SEMA5B: variants seen among roughly 807,000 people sequenced by gnomAD.
SEMA5B encodes semaphorin 5B, also known as semaphorin-5B.
A neutral mutation model predicts 135.0 loss-of-function variants in SEMA5B; 66 were observed. The ratio of observed to expected loss-of-function variants is 0.49; its 90% CI spans 0.40 to 0.60. The LOEUF (loss-of-function observed/expected upper bound fraction) is 0.60, where lower values mean the gene tolerates loss of function less well. SEMA5B is among the 20% of genes least tolerant of loss of function. The probability of loss-of-function intolerance (pLI) is 0.00; values close to 1 mark genes in which losing one functional copy is unlikely to be tolerated. For synonymous variants in SEMA5B, 690 were observed against 639.5 expected (o/e 1.08, Z -1.19); for missense variants, 1,501 against 1,566.3 (o/e 0.96, Z 0.70).
chr3:123,021,696 C>T (rs1576414153), intron 1 of SEMA5B, among the ~76,000 whole-genome samples: 2 of 152,336 alleles, frequency 1.3e-5, no homozygotes, highest in South Asian at 4.1e-4. Context: ...CCTCCCAGGG[C>T]GGGCTTACAT....
At chr3:122,919,228 A>G (rs1306632760) in intron 12 of SEMA5B, among the ~76,000 whole-genome samples, 6 of 152,144 alleles carry the variant, frequency 3.9e-5, no homozygotes, top group Admixed American at 1.3e-4. Flanking sequence ...CCCTGTGCTC[A>G]TGGGGCAGCC....
chr3:122,975,684 C>T (rs1032611434), intron 1 of SEMA5B, among the ~76,000 whole-genome samples: 1 of 152,086 alleles, frequency 6.6e-6, no homozygotes, highest in Non-Finnish European at 1.5e-5. Context: ...TTATGCAGAC[C>T]TTCCATCTCT....
At chr3:122,914,063 T>A in intron 14 of SEMA5B, 62 bp from the exon 15 acceptor site, 1 of 1,489,236 alleles carries the variant, frequency 6.7e-7, no homozygotes, top group Middle Eastern at 1.8e-4. Context: ...TTAGATCTAG[T>A]CTGTCTCTGG....
chr3:122,923,520 T>G (rs973487890), intron 10 of SEMA5B, 97 bp downstream of exon 10: 36 of 1,375,786 alleles, frequency 2.6e-5, no homozygotes, highest in East Asian at 4.7e-5. Context: ...ACGGGTCTGG[T>G]GTCTGTCTGT....
intron 1 of SEMA5B, among the ~76,000 whole-genome samples, chr3:122,986,591 A>AT (rs998056682): frequency 1.1e-5 from 1 of 89,298 alleles, no homozygotes; most frequent in Non-Finnish European, 2.3e-5. Flanking sequence ...CCCAGAGCAT[A>AT]TTTGTGTGTG....
chr3:123,015,966 T>C (rs1942545209), intron 1 of SEMA5B, among the ~76,000 whole-genome samples: 1 of 152,210 alleles, frequency 6.6e-6, no homozygotes. Context: ...GATTAAACTG[T>C]GTGCTGACAC....
intron 1 of SEMA5B, among the ~76,000 whole-genome samples, chr3:122,973,480 A>G (rs984027022): frequency 6.6e-6 from 1 of 152,214 alleles, no homozygotes; most frequent in East Asian, 1.9e-4. Flanking sequence ...TAGAGAGGAA[A>G]AAAGAAAATG....
chr3:123,022,461 G>A (rs1330395942), intron 1 of SEMA5B, among the ~76,000 whole-genome samples: 2 of 152,218 alleles, frequency 1.3e-5, no homozygotes, highest in Non-Finnish European at 2.9e-5. Flanking sequence ...AGCACATACA[G>A]CATTGCCTTT....
chr3:122,920,265 C>T (rs556190194), intron 12 of SEMA5B, among the ~76,000 whole-genome samples: 74 of 152,374 alleles, frequency 4.9e-4, no homozygotes, highest in African/African-American at 1.6e-3. Context: ...ACTCCTCTCA[C>T]GCCAAAGAGT....
At chr3:122,942,883 A>C (rs1939620105) in intron 4 of SEMA5B, among the ~76,000 whole-genome samples, 1 of 152,142 alleles carries the variant, frequency 6.6e-6, no homozygotes, top group African/African-American at 2.4e-5. Context: ...CTGTGGTTTC[A>C]TGAGGAATGA....
chr3:122,919,040 A>T (rs1206990568), intron 12 of SEMA5B, among the ~76,000 whole-genome samples: 3 of 130,208 alleles, frequency 2.3e-5, no homozygotes, highest in African/African-American at 8.7e-5. Context: ...TCAAGCAGCC[A>T]TTACAAAAAG....
rs1370298939 is a variant in SEMA5B at position 122,939,490 on chromosome 3, C to T, written c.429-20G>A. 1.2e-6 allele frequency: 2 copies of T among 1,607,340 alleles called. No homozygotes were observed. The highest frequency in any genetic ancestry group is 1.1e-5 in the South Asian group (1 of 90,940). ...TAGTTCCTGTGAAAATGGAAACAGA[C>T]ATCCTAAGTGACGCTGGTTCTGCAG... On this transcript the variant is annotated intron_variant, in intron 4 of 22. Transcript: ENST00000357599.
At chr3:122,961,035 C>G in intron 2 of SEMA5B, 105 bp downstream of exon 2, 1 of 1,213,924 alleles carries the variant, frequency 8.2e-7, no homozygotes, top group Non-Finnish European at 1.2e-6. Context: ...GGACTGAGGT[C>G]CTAGGAGGTA....
intron 1 of SEMA5B, among the ~76,000 whole-genome samples, chr3:122,985,759 C>T (rs1941678317): frequency 6.6e-6 from 1 of 152,304 alleles, no homozygotes; most frequent in African/African-American, 2.4e-5. Flanking sequence ...AAATCCCATC[C>T]CCCAACAGGG....
At position 122,912,880 on chromosome 3, in the gene SEMA5B, A is replaced by G. The variant is rs781391864; in HGVS notation, c.2688T>C (p.Ala896=). Residue 896 remains alanine (A), a synonymous_variant, in exon 18 of 23, where the codon GCT becomes GCC. Coordinates refer to ENST00000357599, the MANE Select transcript of SEMA5B (RefSeq NM_001031702.4). ...RNGGLPCVGD[A]AEYQDCNPQA... ...GGGGGTTGCAGTCCTGGTACTCGGC[A>G]GCATCGCCCACGCAGGGCAGGCCCC... 20 of 1,606,296 alleles carry G rather than the reference A, an allele frequency of 1.2e-5. No homozygotes were observed. Among genetic ancestry groups the G allele is most frequent in the South Asian group, 4.4e-5 (4 of 90,336 alleles).
chr3:122,923,475 T>G, intron 10 of SEMA5B, 142 bp downstream of exon 10: 7 of 889,324 alleles, frequency 7.9e-6, no homozygotes, highest in East Asian at 2.5e-5. Flanking sequence ...CAGGGAACCA[T>G]TGTGGACCCC....
At chr3:122,920,080 G>A (rs144085136) in intron 12 of SEMA5B, among the ~76,000 whole-genome samples, 5 of 152,192 alleles carry the variant, frequency 3.3e-5, no homozygotes, top group African/African-American at 1.2e-4. Flanking sequence ...ATACATGACA[G>A]TGCTGTTCAC....
At chr3:122,912,761 C>A (rs745366011) in intron 18 of SEMA5B, 82 bp downstream of exon 18, 66 of 1,346,912 alleles carry the variant, frequency 4.9e-5, no homozygotes, top group Non-Finnish European at 6.4e-5. Context: ...ATTGGGGTTC[C>A]TGGGTAGGCC....
intron 2 of SEMA5B, 23 bp downstream of exon 2, chr3:122,961,117 C>G (rs1437097637): frequency 3.2e-6 from 5 of 1,586,262 alleles, no homozygotes; most frequent in Non-Finnish European, 4.3e-6. Context: ...TGCAGCCCCC[C>G]ACACTCCCCT....
Sources: gnomAD v4.1 joint callset for allele counts (sites outside exome capture counted in the v4.1 genomes callset) on GRCh38, gnomAD v4.1.1 for gene constraint, MANE v1.5 for transcripts, NCBI Gene and HGNC (gene_info 2026-07-23, HGNC 2026-07-21) for gene names.